Variants in PLEKHG7 observed in about 807,000 individuals in gnomAD.
The protein encoded by PLEKHG7 is pleckstrin homology and RhoGEF domain containing G7.
Under a neutral mutation model 85.2 loss-of-function variants are expected in PLEKHG7, and 77 were observed. The observed-to-expected ratio is 0.90, with a 90% CI of 0.75 to 1.09. The LOEUF (loss-of-function observed/expected upper bound fraction) is 1.09. Ranked by LOEUF, PLEKHG7 falls within the 50% of genes least tolerant of loss-of-function variation. The pLI is 0.00. For missense variants in PLEKHG7, 777 were observed against 804.3 expected (o/e 0.97, Z 0.41); for synonymous variants, 301 against 302.4 (o/e 1.00, Z 0.05).
chr12:92,737,592 T>C, intron 7 of PLEKHG7, 71 bp downstream of exon 7: 1 of 1,403,354 alleles, frequency 7.1e-7, no homozygotes, highest in Non-Finnish European at 9.8e-7. Context: ...TGTTTTCCTC[T>C]TCTGAAAGAA....
At chr12:92,707,622 A>C (rs1209744638) in intron 2 of PLEKHG7, 28 bp from the exon 3 acceptor site, 44 of 1,610,278 alleles carry the variant, frequency 2.7e-5, no homozygotes, top group Non-Finnish European at 3.7e-5. Context: ...AGCAAGACTA[A>C]AACATATGTT....
intron 3 of PLEKHG7, among the ~76,000 whole-genome samples, chr12:92,715,528 G>T (rs1242136589): frequency 6.6e-6 from 1 of 152,010 alleles, no homozygotes; most frequent in Non-Finnish European, 1.5e-5. Context: ...TCCCCCATTT[G>T]TCTCTCTTCA....
At chr12:92,743,850 G>A (rs546600882) in intron 9 of PLEKHG7, among the ~76,000 whole-genome samples, 15 of 152,224 alleles carry the variant, frequency 9.9e-5, no homozygotes, top group South Asian at 2.1e-4. Flanking sequence ...GCAAGTCACC[G>A]TGCCCAGCCC....
At chr12:92,756,622 A>G (rs7316632) in intron 13 of PLEKHG7, among the ~76,000 whole-genome samples, 2,183 of 152,298 alleles carry the variant, frequency 0.014, 45 homozygotes, top group African/African-American at 0.05. Context: ...AACTCTAACT[A>G]TTCCATAGGA....
At chr12:92,729,318 C>T (rs191984614) in intron 4 of PLEKHG7, among the ~76,000 whole-genome samples, 198 bp downstream of exon 4, 1 of 151,448 alleles carries the variant, frequency 6.6e-6, no homozygotes, top group Non-Finnish European at 1.5e-5. Context: ...TGGTATTGGG[C>T]ATTCCATTTA....
chr12:92,703,358 AT>A (rs1592669131), intron 1 of PLEKHG7, among the ~76,000 whole-genome samples: 1 of 152,128 alleles, frequency 6.6e-6, no homozygotes, highest in East Asian at 1.9e-4. Context: ...AGGTTGGTGA[AT>A]TTTCTTTATG....
intron 2 of PLEKHG7, 40 bp downstream of exon 2, chr12:92,707,178 C>G (rs763964864): frequency 6.4e-7 from 1 of 1,574,694 alleles, no homozygotes; most frequent in African/African-American, 1.4e-5. Flanking sequence ...AGTTGCTGAA[C>G]CACAAAGCAA....
chr12:92,745,693 C>A, intron 10 of PLEKHG7, 102 bp downstream of exon 10: 1 of 744,500 alleles, frequency 1.3e-6, no homozygotes, highest in Non-Finnish European at 2.3e-6. Context: ...AAGAAGAAAA[C>A]AAAATGATCA....
At chr12:92,709,033 A>C (rs1871318193) in intron 3 of PLEKHG7, among the ~76,000 whole-genome samples, 1 of 152,226 alleles carries the variant, frequency 6.6e-6, no homozygotes, top group Admixed American at 6.5e-5. Context: ...TTTAGAGTCG[A>C]ATTATTTTAA....
At chr12:92,758,379 C>T (rs777752387) in intron 13 of PLEKHG7, among the ~76,000 whole-genome samples, 7 of 152,204 alleles carry the variant, frequency 4.6e-5, no homozygotes, top group Non-Finnish European at 8.8e-5. Flanking sequence ...AAAAACTGTT[C>T]TAATCTATGT....
chr12:92,707,802 G>A (rs1321761807), intron 3 of PLEKHG7, 130 bp downstream of exon 3: 6 of 1,487,984 alleles, frequency 4.0e-6, no homozygotes, highest in South Asian at 1.2e-5. Context: ...TAGCACTCAA[G>A]TCACTCTTCG....
chr12:92,714,121 A>G (rs1871419102), intron 3 of PLEKHG7, among the ~76,000 whole-genome samples: 2 of 152,316 alleles, frequency 1.3e-5, no homozygotes, highest in South Asian at 4.1e-4. Flanking sequence ...GTCCAGTTAC[A>G]GGTCTAGAGG....
At chr12:92,726,991 G>A (rs1459825578) in intron 3 of PLEKHG7, among the ~76,000 whole-genome samples, 2 of 152,160 alleles carry the variant, frequency 1.3e-5, no homozygotes. Flanking sequence ...CTTTTTCCTA[G>A]TATCCTGAGT....
At chr12:92,735,862 T>C (rs1391039577) in intron 5 of PLEKHG7, among the ~76,000 whole-genome samples, 2 of 152,204 alleles carry the variant, frequency 1.3e-5, no homozygotes, top group African/African-American at 4.8e-5. Flanking sequence ...GTTTGTTTTT[T>C]CTCAAATTTT....
chr12:92,729,348 G>T (rs1871916455), intron 4 of PLEKHG7, among the ~76,000 whole-genome samples: 1 of 150,920 alleles, frequency 6.6e-6, no homozygotes, highest in African/African-American at 2.4e-5. Flanking sequence ...ATAAGGTATG[G>T]TTCTTCCCTT....
At position 92,755,715 on chromosome 12, in the gene PLEKHG7, G is replaced by A. The variant is rs1872806456; in HGVS notation, c.1427-110G>A. On this transcript the variant is annotated intron_variant, in intron 11 of 16. Transcript: ENST00000344636. ...GTGAAATGAACTTTATATATTGTCT[G>A]GCTCCAGGGGCAGCCAGTGTTTCTA... 7.9e-6 allele frequency: 6 copies of A among 760,464 alleles called. No homozygotes were observed. The East Asian group carries it at 1.2e-4, about 16-fold the overall frequency. 47.1% of individuals were successfully genotyped at this position (760,464 alleles called of 1,614,324 possible).
At chr12:92,737,352 G>T (rs1366943018) in intron 6 of PLEKHG7, 26 bp from the exon 7 acceptor site, 1 of 1,396,424 alleles carries the variant, frequency 7.2e-7, no homozygotes, top group Non-Finnish European at 9.3e-7. Context: ...GAAATGTTTT[G>T]TTCTCTCTTT....
Position 92,732,277 on chromosome 12 carries a change from A to C in PLEKHG7, c.699+4A>C, listed in dbSNP as rs1872014052. Reference sequence around the variant, plus strand: ...GCCTTTCTCCAAAAGAGGAGTGGTAAGTGTTGCAAATTGCCATTTTTGTTT... The same window carrying C: ...GCCTTTCTCCAAAAGAGGAGTGGTACGTGTTGCAAATTGCCATTTTTGTTT... On this transcript the variant is annotated splice_donor_region_variant and intron_variant, in intron 5 of 16. Transcript: ENST00000344636. 4 of 1,231,074 alleles carry C rather than the reference A, an allele frequency of 3.2e-6. No homozygotes were observed. In the South Asian group the frequency reaches 1.6e-4, roughly 51 times the overall value. 76.3% of individuals were successfully genotyped at this position (1,231,074 alleles called of 1,614,324 possible).
intron 5 of PLEKHG7, among the ~76,000 whole-genome samples, chr12:92,733,923 G>A (rs1872063366): frequency 6.6e-6 from 1 of 152,222 alleles, no homozygotes; most frequent in Non-Finnish European, 1.5e-5. Flanking sequence ...CAATTGAGAA[G>A]ATGGGACTGA....
Sources: allele counts gnomAD v4.1 joint callset (sites outside exome capture counted in the v4.1 genomes callset), GRCh38; gene constraint gnomAD v4.1.1; transcripts MANE v1.5; gene names NCBI Gene and HGNC (gene_info 2026-07-23, HGNC 2026-07-21).